ANXA8: variants seen among roughly 807,000 people sequenced by gnomAD.
ANXA8 encodes the protein annexin A8.
A neutral mutation model predicts 26.8 loss-of-function variants in ANXA8; 9 were observed. That is an observed-to-expected ratio of 0.34 (90% CI 0.20 to 0.59). The LOEUF (loss-of-function observed/expected upper bound fraction) is 0.59, where lower values mean the gene tolerates loss of function less well. ANXA8 is among the 20% of genes least tolerant of loss of function. The probability of loss-of-function intolerance (pLI) is 0.84; values close to 1 mark genes in which losing one functional copy is unlikely to be tolerated. For synonymous variants in ANXA8, 39 were observed against 94.8 expected, an observed-to-expected ratio of 0.41 and a Z score of 3.42; for missense variants, 83 against 238.5, an observed-to-expected ratio of 0.35 and a Z score of 4.29.
chr10:47,660,557 T>C, the ANXA8 span, among the ~76,000 whole-genome samples: 1 of 151,752 alleles, frequency 6.6e-6, no homozygotes, highest in Non-Finnish European at 1.5e-5. Context: ...TATGTCACCA[T>C]GCCTGGCTAA....
At chr10:47,653,179 G>A in the ANXA8 span, among the ~76,000 whole-genome samples, 3 of 150,594 alleles carry the variant, frequency 2.0e-5, no homozygotes, top group Non-Finnish European at 4.4e-5. Flanking sequence ...AGGCATGGTG[G>A]TGGGTGCCTG....
the ANXA8 span, among the ~76,000 whole-genome samples, chr10:47,955,466 G>A: frequency 2.0e-5 from 3 of 149,576 alleles, no homozygotes; most frequent in Non-Finnish European, 4.4e-5. Flanking sequence ...TTACATACCT[G>A]GGCTCTATGG....
At chr10:47,560,057 C>G in the ANXA8 span, among the ~76,000 whole-genome samples, 1 of 150,792 alleles carries the variant, frequency 6.6e-6, no homozygotes, top group Non-Finnish European at 1.5e-5. Context: ...TCTTGTTATA[C>G]ACACACAGTT....
the ANXA8 span, among the ~76,000 whole-genome samples, chr10:47,586,343 T>C: frequency 4.2e-3 from 608 of 144,860 alleles, 21 homozygotes; most frequent in Non-Finnish European, 6.6e-3. Flanking sequence ...CTCATAGTCA[T>C]TTCCTATCTG....
At chr10:47,659,507 T>A in the ANXA8 span, among the ~76,000 whole-genome samples, 1 of 151,292 alleles carries the variant, frequency 6.6e-6, no homozygotes, top group African/African-American at 2.4e-5. Context: ...AGAAACCCTG[T>A]CTCTACTAAA....
the ANXA8 span, among the ~76,000 whole-genome samples, chr10:47,650,542 C>T: frequency 2.6e-5 from 4 of 151,098 alleles, no homozygotes; most frequent in South Asian, 2.1e-4. Context: ...TGTGGTGGCT[C>T]ACGCCTGTAA....
chr10:47,937,149 GC>G, the ANXA8 span, among the ~76,000 whole-genome samples: 1 of 149,562 alleles, frequency 6.7e-6, no homozygotes, highest in Non-Finnish European at 1.5e-5. Flanking sequence ...ACCCATGCCT[GC>G]CCCCCACCAC....
At chr10:47,674,393 A>G in the ANXA8 span, among the ~76,000 whole-genome samples, 2 of 151,318 alleles carry the variant, frequency 1.3e-5, no homozygotes, top group East Asian at 3.9e-4. Flanking sequence ...CAGCCTCCCA[A>G]GTAGTTGGGA....
At chr10:47,745,876 TGGCCAATGGGATATTG>T in the ANXA8 span, among the ~76,000 whole-genome samples, 1 of 150,974 alleles carries the variant, frequency 6.6e-6, no homozygotes, top group African/African-American at 2.4e-5. Flanking sequence ...TGACGTGCTT[TGGCCAATGGGATATTG>T]GATGACACAA....
chr10:47,697,348 G>A, the ANXA8 span, among the ~76,000 whole-genome samples: 4,033 of 110,288 alleles, frequency 0.037, no homozygotes, highest in South Asian at 0.067. Flanking sequence ...TGTTGAACCT[G>A]CACATAATGT....
At chr10:47,661,095 G>A in the ANXA8 span, among the ~76,000 whole-genome samples, 14 of 136,874 alleles carry the variant, frequency 1.0e-4, no homozygotes, top group Admixed American at 4.5e-4. Context: ...TATGCTTTTA[G>A]CAGCCTGAAG....
Position 47,476,323 on chromosome 10 carries a change from C to T in ANXA8, c.322-1G>A, listed in dbSNP as rs1419202577. On this transcript the variant is annotated splice_acceptor_variant, in intron 4 of 11. Transcript: ENST00000585281. LOFTEE classifies it high-confidence loss of function. ...TGACACCCTCCTTGGTTCCTAAGCC[C>T]TGTGGACAGAAACCTCTGCCTGCTG... The T allele has an allele frequency of 5.0e-6, 2 of 403,758 alleles. No individual in the cohort carries two copies. The highest frequency in any genetic ancestry group is 7.7e-6 in the Non-Finnish European group (2 of 261,296). 25.0% of individuals were successfully genotyped at this position (403,758 alleles called of 1,614,324 possible).
chr10:47,489,042 G>A (rs1485936731), upstream of ANXA8, among the ~76,000 whole-genome samples: 12 of 146,148 alleles, frequency 8.2e-5, no homozygotes, highest in Non-Finnish European at 1.3e-4. Flanking sequence ...TTTTGAGACC[G>A]AGTCTTGCTC....
chr10:47,469,150 CAG>C (rs1484710800), intron 11 of ANXA8, among the ~76,000 whole-genome samples: 66 of 148,044 alleles, frequency 4.5e-4, no homozygotes, highest in Non-Finnish European at 9.1e-4. Context: ...GAAAATGAAT[CAG>C]AGACAGTTCC....
chr10:47,935,565 CAG>C, the ANXA8 span, among the ~76,000 whole-genome samples: 1 of 148,782 alleles, frequency 6.7e-6, no homozygotes, highest in Non-Finnish European at 1.5e-5. Flanking sequence ...TGAGACTGAG[CAG>C]AGACTCATTA....
At chr10:47,497,992 A>C in the ANXA8 span, among the ~76,000 whole-genome samples, 1 of 151,936 alleles carries the variant, frequency 6.6e-6, no homozygotes, top group Non-Finnish European at 1.5e-5. Context: ...AAATATACAT[A>C]AAATTTACTA....
chr10:47,935,659 AT>A, the ANXA8 span, among the ~76,000 whole-genome samples: 2 of 141,578 alleles, frequency 1.4e-5, no homozygotes, highest in East Asian at 5.2e-4. Context: ...TAATTGTACT[AT>A]TTTTAGAGTA....
At chr10:47,650,411 G>A in the ANXA8 span, among the ~76,000 whole-genome samples, 3 of 151,248 alleles carry the variant, frequency 2.0e-5, no homozygotes, top group Non-Finnish European at 4.4e-5. Context: ...CCTACAGAAT[G>A]GGATTAAATA....
chr10:47,548,850 C>T, the ANXA8 span, among the ~76,000 whole-genome samples: 3 of 152,106 alleles, frequency 2.0e-5, no homozygotes, highest in African/African-American at 7.2e-5. Flanking sequence ...TGCTGGGAGG[C>T]TCTATTTCAT....
Sources: allele counts gnomAD v4.1 joint callset (sites outside exome capture counted in the v4.1 genomes callset), GRCh38; gene constraint gnomAD v4.1.1; transcripts MANE v1.5; gene names NCBI Gene and HGNC (gene_info 2026-07-23, HGNC 2026-07-21).